SLC23A2: variants seen among roughly 807,000 people sequenced by gnomAD.
SLC23A2 encodes solute carrier family 23 member 2, also known as Na(+)/L-ascorbic acid transporter 2.
A neutral mutation model predicts 73.3 loss-of-function variants in SLC23A2; 36 were observed. The ratio of observed to expected loss-of-function variants is 0.49; its 90% CI spans 0.38 to 0.65. The LOEUF (loss-of-function observed/expected upper bound fraction) is 0.65, where lower values mean the gene tolerates loss of function less well. SLC23A2 is among the 30% of genes least tolerant of loss of function. SLC23A2 has a pLI of 0.00. For missense variants in SLC23A2, 507 were observed against 841.6 expected (o/e 0.60, Z 4.92); for synonymous variants, 343 against 327.3 (o/e 1.05, Z -0.52).
intron 1 of SLC23A2, among the ~76,000 whole-genome samples, chr20:5,009,571 A>T (rs1289179352): frequency 6.6e-6 from 1 of 152,208 alleles, no homozygotes; most frequent in African/African-American, 2.4e-5. Context: ...CCAGCTCCTC[A>T]CGTGGTGCCT....
chr20:5,003,511 C>G (rs1568665566), upstream of SLC23A2, among the ~76,000 whole-genome samples: 2 of 151,830 alleles, frequency 1.3e-5, no homozygotes, highest in South Asian at 4.2e-4. Context: ...GTATTCCAGC[C>G]AACCTTTTTT....
chr20:4,959,239 G>GT (rs1401975637), intron 2 of SLC23A2, among the ~76,000 whole-genome samples: 1 of 151,344 alleles, frequency 6.6e-6, no homozygotes, highest in African/African-American at 2.4e-5. Context: ...AAAAAATGGT[G>GT]TATGACATAC....
chr20:4,896,135 A>G (rs1931511210), intron 6 of SLC23A2, among the ~76,000 whole-genome samples: 1 of 152,120 alleles, frequency 6.6e-6, no homozygotes, highest in South Asian at 2.1e-4. Context: ...AGACACACGA[A>G]CATGGGGTGC....
chr20:5,009,412 C>T (rs72552245), intron 1 of SLC23A2, among the ~76,000 whole-genome samples: 2,652 of 152,190 alleles, frequency 0.017, 82 homozygotes, highest in African/African-American at 0.06. Flanking sequence ...GGAACCACCC[C>T]GAGTCCCTAG....
At chr20:4,921,071 A>T (rs942046548) in intron 3 of SLC23A2, among the ~76,000 whole-genome samples, 3 of 152,210 alleles carry the variant, frequency 2.0e-5, no homozygotes, top group African/African-American at 7.2e-5. Context: ...GTCAATATAA[A>T]CTAGGCTGTT....
chr20:4,861,026 C>G (rs1489488807), intron 15 of SLC23A2, among the ~76,000 whole-genome samples: 2 of 152,096 alleles, frequency 1.3e-5, no homozygotes, highest in Admixed American at 1.3e-4. Context: ...GCCTGAGCGA[C>G]AAAGCAAGAC....
intron 6 of SLC23A2, among the ~76,000 whole-genome samples, chr20:4,892,453 C>G (rs920073388): frequency 1.8e-4 from 27 of 152,192 alleles, no homozygotes; most frequent in Non-Finnish European, 3.7e-4. Context: ...TCCCAAAGTG[C>G]TGGGATTACA....
At position 4,932,671 on chromosome 20, in the gene SLC23A2, C is replaced by G. The variant is rs529437037; in HGVS notation, c.-109G>C. On this transcript the variant is annotated 5_prime_UTR_variant, in exon 3 of 17. Transcript: ENST00000338244. ...CGGCTCTTCTAGTGCCTGGAGCCCCCGATTCTCAAGCAGAGATGAGGCCTG... is the reference window on the plus strand; with the variant it reads ...CGGCTCTTCTAGTGCCTGGAGCCCCGGATTCTCAAGCAGAGATGAGGCCTG... 1.5e-6 allele frequency: 1 copy of G among 688,484 alleles called. No individual in the cohort carries two copies. The highest frequency in any genetic ancestry group is 1.8e-5 in the African/African-American group (1 of 55,846). 42.6% of individuals were successfully genotyped at this position (688,484 alleles called of 1,614,324 possible). A position where few individuals can be genotyped will look rare whatever the true frequency, so the allele number is the denominator to read the frequency against.
chr20:4,987,033 G>A (rs1396794496), intron 1 of SLC23A2, among the ~76,000 whole-genome samples: 2 of 152,124 alleles, frequency 1.3e-5, no homozygotes, highest in Non-Finnish European at 2.9e-5. Flanking sequence ...GAGCTCCGCA[G>A]GGAAGGGTGT....
chr20:4,995,123 G>GT (rs1337127310), intron 1 of SLC23A2, among the ~76,000 whole-genome samples: 1 of 152,082 alleles, frequency 6.6e-6, no homozygotes, highest in African/African-American at 2.4e-5. Flanking sequence ...GGAGCTGGGG[G>GT]TATGTATATA....
chr20:4,932,789 T>C (rs1196613383), intron 2 of SLC23A2, 73 bp from the exon 3 acceptor site: 3 of 472,538 alleles, frequency 6.3e-6, no homozygotes, highest in East Asian at 3.6e-5. Flanking sequence ...ACTGAGTTTC[T>C]TGCACAGTAA....
chr20:4,953,472 C>T (rs543050713), intron 2 of SLC23A2, among the ~76,000 whole-genome samples: 11 of 151,996 alleles, frequency 7.2e-5, no homozygotes, highest in Non-Finnish European at 1.2e-4. Flanking sequence ...ATTAGAGAAA[C>T]GAGGTTTTTT....
chr20:4,937,410 A>G (rs75425799), intron 2 of SLC23A2, among the ~76,000 whole-genome samples: 1,696 of 152,288 alleles, frequency 0.011, 14 homozygotes, highest in Non-Finnish European at 0.018. Flanking sequence ...TTAATACATG[A>G]CAGTGGGGAA....
In SLC23A2 at chr20:4,925,746, A is replaced by G. The variant is rs141285199; in HGVS notation, c.108+6709T>C. Reference sequence around the variant, plus strand: ...TACTCTGCACTAAACTTGCGCCCCAAGCAGGACACTGCCATGCACACCCTC... The same window carrying G: ...TACTCTGCACTAAACTTGCGCCCCAGGCAGGACACTGCCATGCACACCCTC... On this transcript the variant is annotated intron_variant, in intron 3 of 16. Transcript: ENST00000338244. Among the ~76,000 whole-genome samples the G allele has an allele frequency of 1.7e-3, 261 of 152,244 alleles. 1 individual carries two copies. Among genetic ancestry groups the G allele is most frequent in the African/African-American group, 5.9e-3 (245 of 41,542 alleles).
At chr20:4,870,135 C>T (rs192535095) in intron 11 of SLC23A2, 82 bp from the exon 12 acceptor site, 40 of 1,135,964 alleles carry the variant, frequency 3.5e-5, no homozygotes, top group African/African-American at 2.2e-4. Context: ...TCATTCTGAA[C>T]GCTGCAAGAC....
intron 2 of SLC23A2, among the ~76,000 whole-genome samples, chr20:4,965,400 C>T (rs1477580767): frequency 1.3e-5 from 2 of 152,170 alleles, no homozygotes; most frequent in Admixed American, 1.3e-4. Context: ...AGTTACTATA[C>T]TTCTTCACAT....
rs1889576330 is a variant in SLC23A2 at position 4,872,920 on chromosome 20, CATTTTTGT to C, written c.1102+1008_1102+1015del. On this transcript the variant is annotated intron_variant, in intron 11 of 16. Transcript: ENST00000338244. The surrounding 1 kb of genome is among the most constrained non-coding windows in gnomAD (Gnocchi z 4.4). ...CAGACACCCGTCATCAGGCCTGGCT[CATTTTTGT>C]ATTTTTGTAGAGATGGGGTTTCACC... Among the ~76,000 whole-genome samples the C allele has an allele frequency of 6.6e-6, 1 of 152,060 alleles. No individual in the cohort carries two copies. Among genetic ancestry groups the C allele is most frequent in the Non-Finnish European group, 1.5e-5 (1 of 67,998 alleles).
chr20:4,945,745 G>A (rs2087110878), intron 2 of SLC23A2, among the ~76,000 whole-genome samples: 1 of 152,140 alleles, frequency 6.6e-6, no homozygotes, highest in South Asian at 2.1e-4. Context: ...AAGGTAAAAT[G>A]CTTCATGCTG....
intron 3 of SLC23A2, among the ~76,000 whole-genome samples, chr20:4,923,708 C>G (rs914904833): frequency 1.3e-5 from 2 of 152,180 alleles, no homozygotes; most frequent in Non-Finnish European, 2.9e-5. Flanking sequence ...ACTCCAAACT[C>G]TCTATTTAGG....
Sources: allele counts gnomAD v4.1 joint callset (sites outside exome capture counted in the v4.1 genomes callset), GRCh38; gene constraint gnomAD v4.1.1; non-coding constraint Gnocchi (gnomAD v3.1); transcripts MANE v1.5; gene names NCBI Gene and HGNC (gene_info 2026-07-23, HGNC 2026-07-21).